RELCH: variants seen among roughly 807,000 people sequenced by gnomAD.
The protein encoded by RELCH is RAB11-binding protein RELCH.
A neutral mutation model predicts 150.3 loss-of-function variants in RELCH; 41 were observed. The observed-to-expected ratio is 0.27, with a 90% CI of 0.21 to 0.35. The LOEUF (loss-of-function observed/expected upper bound fraction) is 0.35, where lower values mean the gene tolerates loss of function less well. Among genes scored for constraint, RELCH ranks in the 10% least tolerant of loss-of-function variants. The pLI is 1.00. For synonymous variants in RELCH, 478 were observed against 531.8 expected (o/e 0.90, Z 1.39); for missense variants, 1,092 against 1,467.8 (o/e 0.74, Z 4.18).
chr18:62,216,772 G>T (rs73456683), intron 2 of RELCH, among the ~76,000 whole-genome samples: 4,354 of 151,896 alleles, frequency 0.029, 154 homozygotes, highest in East Asian at 0.18. Flanking sequence ...TGGATTAGAA[G>T]TAGGCTTCTC....
intron 1 of RELCH, among the ~76,000 whole-genome samples, chr18:62,198,445 T>A (rs2039192695): frequency 6.6e-6 from 1 of 152,222 alleles, no homozygotes; most frequent in Non-Finnish European, 1.5e-5. Flanking sequence ...TTCTCACCTA[T>A]TATGTCAAAA....
At chr18:62,226,196 T>A (rs1424167711) in intron 5 of RELCH, among the ~76,000 whole-genome samples, 12 of 152,072 alleles carry the variant, frequency 7.9e-5, no homozygotes, top group Non-Finnish European at 1.6e-4. Flanking sequence ...TTATGATATA[T>A]TAAAGGAAGA....
chr18:62,277,055 T>A (rs1236253586), intron 22 of RELCH, among the ~76,000 whole-genome samples: 1 of 152,152 alleles, frequency 6.6e-6, no homozygotes, highest in African/African-American at 2.4e-5. Flanking sequence ...AAAAGCTATT[T>A]CTTTTTCTTA....
intron 14 of RELCH, 77 bp downstream of exon 14, chr18:62,258,165 G>GA: frequency 7.7e-7 from 1 of 1,295,136 alleles, no homozygotes; most frequent in Non-Finnish European, 1.1e-6. Context: ...CTCTGATTTA[G>GA]ATACTTTATA....
intron 5 of RELCH, among the ~76,000 whole-genome samples, chr18:62,226,118 A>G (rs1394826192): frequency 6.6e-6 from 1 of 152,032 alleles, no homozygotes; most frequent in African/African-American, 2.4e-5. Context: ...CACATTTAGA[A>G]TGTTCAAATT....
intron 23 of RELCH, 186 bp from the exon 24 acceptor site, chr18:62,280,460 C>A (rs2044448978): frequency 6.2e-7 from 1 of 1,601,438 alleles, no homozygotes; most frequent in South Asian, 1.1e-5. Context: ...TCACAGACTG[C>A]GACCTTAAGT....
At chr18:62,252,573 T>C in intron 11 of RELCH, 91 bp from the exon 12 acceptor site, 1 of 857,078 alleles carries the variant, frequency 1.2e-6, no homozygotes, top group East Asian at 2.6e-5. Context: ...TTGTACTCTA[T>C]GTGAATTTAT....
rs1027291539 is a variant in RELCH, at chr18:62,309,755, A to G, written c.*4221A>G. ...ATTTTAATTCCTTTTATTCCATTAC[A>G]GACTAATCCACCATATTTATTTCAG... On this transcript the variant is annotated 3_prime_UTR_variant, in exon 29 of 29. Coordinates refer to ENST00000644646, the MANE Select transcript of RELCH (RefSeq NM_001346231.2). The G allele has an allele frequency of 2.1e-4, 32 of 152,186 alleles. No homozygotes were observed. The highest frequency in any genetic ancestry group is 7.7e-4 in the African/African-American group (32 of 41,442). 9.4% of individuals were successfully genotyped at this position (152,186 alleles called of 1,614,324 possible). A position where few individuals can be genotyped will look rare whatever the true frequency, so the allele number is the denominator to read the frequency against.
chr18:62,239,969 T>TG (rs2042061795), intron 10 of RELCH, among the ~76,000 whole-genome samples: 1 of 151,958 alleles, frequency 6.6e-6, no homozygotes. Context: ...AATATATATT[T>TG]GGATATAAAT....
chr18:62,208,688 T>C (rs1195510280), intron 1 of RELCH, among the ~76,000 whole-genome samples: 1 of 152,196 alleles, frequency 6.6e-6, no homozygotes, highest in Admixed American at 6.5e-5. Context: ...GGCCCCAGTG[T>C]CTGTCGTTCC....
At chr18:62,213,147 C>T (rs1020471420) in intron 2 of RELCH, among the ~76,000 whole-genome samples, 6 of 151,804 alleles carry the variant, frequency 4.0e-5, no homozygotes, top group Non-Finnish European at 5.9e-5. Flanking sequence ...TTAAATAGCA[C>T]TTGTTATATA....
intron 25 of RELCH, chr18:62,286,026 A>G (rs1004038989): frequency 7.2e-5 from 11 of 152,156 alleles, no homozygotes; most frequent in African/African-American, 2.4e-4. Flanking sequence ...GTTTAAATGA[A>G]CTTCTATAGA....
At chr18:62,273,881 C>A (rs889923757) in intron 20 of RELCH, 99 bp from the exon 21 acceptor site, 2 of 720,360 alleles carry the variant, frequency 2.8e-6, no homozygotes, top group African/African-American at 1.8e-5. Flanking sequence ...GGATATTTTC[C>A]CCTTATTTGG....
intron 25 of RELCH, among the ~76,000 whole-genome samples, chr18:62,284,684 G>A (rs1398984335): frequency 1.3e-5 from 2 of 152,140 alleles, no homozygotes; most frequent in East Asian, 3.9e-4. Flanking sequence ...GGAGTTTGGA[G>A]GATGGACAGA....
intron 20 of RELCH, among the ~76,000 whole-genome samples, chr18:62,270,648 T>TA (rs1166008243): frequency 1.3e-5 from 2 of 152,160 alleles, no homozygotes; most frequent in Admixed American, 6.5e-5. Flanking sequence ...TTCTTTTTTT[T>TA]ATTTTTATTA....
chr18:62,188,861 C>T (rs1214674659), intron 1 of RELCH, among the ~76,000 whole-genome samples: 1 of 152,120 alleles, frequency 6.6e-6, no homozygotes, highest in African/African-American at 2.4e-5. Flanking sequence ...CCAGTGTCTC[C>T]CTTTTGGGAG....
intron 11 of RELCH, among the ~76,000 whole-genome samples, chr18:62,250,802 T>C (rs1264963822): frequency 6.6e-6 from 1 of 152,234 alleles, no homozygotes; most frequent in East Asian, 1.9e-4. Context: ...TTAATTTAAA[T>C]TGACATATAT....
intron 10 of RELCH, among the ~76,000 whole-genome samples, chr18:62,236,306 A>G (rs2041877037): frequency 6.6e-6 from 1 of 151,936 alleles, no homozygotes; most frequent in East Asian, 1.9e-4. Flanking sequence ...CATGAGATAC[A>G]TCCCATTTGG....
At chr18:62,263,172 T>A (rs952184705) in intron 16 of RELCH, among the ~76,000 whole-genome samples, 5 of 152,056 alleles carry the variant, frequency 3.3e-5, no homozygotes, top group African/African-American at 1.2e-4. Flanking sequence ...TCTGAGATAC[T>A]ATAGGTTAGG....
Sources: gnomAD v4.1 joint callset for allele counts (sites outside exome capture counted in the v4.1 genomes callset) on GRCh38, gnomAD v4.1.1 for gene constraint, MANE v1.5 for transcripts, NCBI Gene and HGNC (gene_info 2026-07-23, HGNC 2026-07-21) for gene names.